The following ADAMTSL1 variants were observed in gnomAD, a reference collection of about 807,000 sequenced individuals.
The protein encoded by ADAMTSL1 is ADAMTS-like protein 1.
ADAMTSL1 carries 126 observed loss-of-function variants against 201.8 expected under a neutral mutation model. The observed-to-expected ratio is 0.62, with a 90% CI of 0.54 to 0.72. The LOEUF (loss-of-function observed/expected upper bound fraction) is 0.72. ADAMTSL1 is among the 30% of genes least tolerant of loss of function. The pLI is 0.00. For synonymous variants in ADAMTSL1, 1,121 were observed against 903.4 expected (o/e 1.24, Z -4.32); for missense variants, 2,679 against 2,277.8 (o/e 1.18, Z -3.59).
intron 27 of ADAMTSL1, 74 bp from the exon 28 acceptor site, chr9:18,906,618 A>G (rs1830323748): frequency 1.6e-6 from 2 of 1,235,500 alleles, no homozygotes; most frequent in Non-Finnish European, 2.2e-6. Flanking sequence ...CTGAGTTTGC[A>G]GCACTATTTT....
intron 2 of ADAMTSL1, among the ~76,000 whole-genome samples, chr9:18,381,233 C>T (rs938793121): frequency 5.3e-5 from 8 of 152,032 alleles, no homozygotes; most frequent in African/African-American, 1.7e-4. Flanking sequence ...CATCTTTTCC[C>T]TCATGTTTAA....
At chr9:17,935,616 G>A (rs762805863) in intron 1 of ADAMTSL1, among the ~76,000 whole-genome samples, 1 of 152,124 alleles carries the variant, frequency 6.6e-6, no homozygotes, top group Non-Finnish European at 1.5e-5. Flanking sequence ...AGGGAACTTA[G>A]TTCTTTTATT....
intron 1 of ADAMTSL1, among the ~76,000 whole-genome samples, chr9:18,497,985 ATTG>A (rs1181434678): frequency 2.0e-5 from 3 of 152,226 alleles, no homozygotes; most frequent in Non-Finnish European, 4.4e-5. Context: ...TCATCTCCAA[ATTG>A]TTGTCCCAGG....
At chr9:18,695,894 G>T (rs1212923706) in intron 13 of ADAMTSL1, among the ~76,000 whole-genome samples, 4 of 152,180 alleles carry the variant, frequency 2.6e-5, no homozygotes, top group Non-Finnish European at 5.9e-5. Flanking sequence ...AGGTTTAATT[G>T]ATTCATATTT....
chr9:18,270,683 T>C (rs138867954), intron 2 of ADAMTSL1, among the ~76,000 whole-genome samples: 15 of 152,278 alleles, frequency 9.9e-5, no homozygotes, highest in African/African-American at 3.6e-4. Context: ...CTTTCAGAGG[T>C]GTGGTAGGGG....
At chr9:18,168,882 A>C (rs1036033998) in intron 2 of ADAMTSL1, among the ~76,000 whole-genome samples, 2 of 150,268 alleles carry the variant, frequency 1.3e-5, no homozygotes, top group Admixed American at 1.3e-4. Flanking sequence ...GCCAGTGATG[A>C]TGAGCATTTT....
At chr9:18,238,530 T>TA (rs890150423) in intron 2 of ADAMTSL1, among the ~76,000 whole-genome samples, 4 of 152,158 alleles carry the variant, frequency 2.6e-5, no homozygotes, top group Non-Finnish European at 5.9e-5. Flanking sequence ...TCTTCATTTG[T>TA]AAAATGAAGC....
intron 1 of ADAMTSL1, among the ~76,000 whole-genome samples, chr9:18,115,222 G>C (rs1309311314): frequency 1.3e-5 from 2 of 151,990 alleles, no homozygotes; most frequent in East Asian, 3.9e-4. Context: ...CATCTTTTTT[G>C]CATTAATTTA....
intron 3 of ADAMTSL1, among the ~76,000 whole-genome samples, chr9:18,569,304 T>A (rs1316905775): frequency 6.6e-6 from 1 of 152,256 alleles, no homozygotes; most frequent in African/African-American, 2.4e-5. Flanking sequence ...CTTTTATTTT[T>A]GTGCTTTTAA....
chr9:18,770,311 G>T lies in ADAMTSL1; in HGVS notation c.2218-291G>T, dbSNP rs142231089. Among the ~76,000 whole-genome samples the T allele has an allele frequency of 3.2e-3, 492 of 152,244 alleles. 2 individuals carry two copies. The highest frequency in any genetic ancestry group is 0.011 in the African/African-American group (455 of 41,538). ...ACTAACCTTTTAAACCAGTTGTCTT[G>T]GATGGGACTGCAAATCATAGTTCAG... On this transcript the variant is annotated intron_variant, in intron 16 of 28. Transcript: ENST00000380548.
chr9:18,169,972 A>T (rs1398492859), intron 2 of ADAMTSL1, among the ~76,000 whole-genome samples: 1 of 152,026 alleles, frequency 6.6e-6, no homozygotes, highest in Non-Finnish European at 1.5e-5. Context: ...CCTTGGGCAA[A>T]TACAGGGAGA....
At chr9:18,369,935 T>G (rs1836967583) in intron 2 of ADAMTSL1, among the ~76,000 whole-genome samples, 1 of 152,192 alleles carries the variant, frequency 6.6e-6, no homozygotes, top group Non-Finnish European at 1.5e-5. Context: ...ATGTTCTCAC[T>G]TATAAGTGGG....
chr9:18,044,249 G>C (rs1041155043), intron 1 of ADAMTSL1, among the ~76,000 whole-genome samples: 1 of 151,932 alleles, frequency 6.6e-6, no homozygotes. Flanking sequence ...CAGAGGACTA[G>C]GCAGATGCAG....
At chr9:18,814,403 G>A (rs1409079722) in intron 20 of ADAMTSL1, among the ~76,000 whole-genome samples, 1 of 151,984 alleles carries the variant, frequency 6.6e-6, no homozygotes, top group Non-Finnish European at 1.5e-5. Flanking sequence ...GCACAGCAAA[G>A]GAAACAATCA....
chr9:18,438,669 G>T (rs1238840523), intron 2 of ADAMTSL1, among the ~76,000 whole-genome samples: 1 of 152,080 alleles, frequency 6.6e-6, no homozygotes, highest in Non-Finnish European at 1.5e-5. Flanking sequence ...CCTCCTCGCC[G>T]CCACCATTTG....
intron 2 of ADAMTSL1, among the ~76,000 whole-genome samples, chr9:18,213,610 G>T (rs529234232): frequency 1.3e-5 from 2 of 152,286 alleles, no homozygotes; most frequent in African/African-American, 4.8e-5. Context: ...GTTCTGTGCT[G>T]CTGTTTCAGA....
At chr9:18,169,913 T>C (rs193059560) in intron 2 of ADAMTSL1, among the ~76,000 whole-genome samples, 18 of 141,772 alleles carry the variant, frequency 1.3e-4, no homozygotes, top group Admixed American at 1.2e-3. Flanking sequence ...TAATCTTTGG[T>C]TTTTTGGAAT....
chr9:18,283,316 T>C (rs1832863506), intron 2 of ADAMTSL1, among the ~76,000 whole-genome samples: 1 of 152,096 alleles, frequency 6.6e-6, no homozygotes, highest in Non-Finnish European at 1.5e-5. Flanking sequence ...ACTTTAAACC[T>C]ATCTTTAACC....
chr9:18,864,635 G>A (rs1827394713), intron 23 of ADAMTSL1, among the ~76,000 whole-genome samples: 1 of 152,140 alleles, frequency 6.6e-6, no homozygotes, highest in Admixed American at 6.5e-5. Context: ...GAGATGCCAG[G>A]GCTCCCAGTT....
Sources: gnomAD v4.1 joint callset for allele counts (sites outside exome capture counted in the v4.1 genomes callset) on GRCh38, gnomAD v4.1.1 for gene constraint, MANE v1.5 for transcripts, NCBI Gene and HGNC (gene_info 2026-07-23, HGNC 2026-07-21) for gene names.